ROBO2: variants seen among roughly 807,000 people sequenced by gnomAD.
ROBO2 encodes roundabout homolog 2.
A neutral mutation model predicts 160.8 loss-of-function variants in ROBO2; 53 were observed. The observed-to-expected ratio is 0.33, with a 90% CI of 0.26 to 0.41. The LOEUF is 0.41. Among genes scored for constraint, ROBO2 ranks in the 10% least tolerant of loss-of-function variants. ROBO2 has a pLI of 1.00. For missense variants in ROBO2, 1,577 were observed against 1,722.4 expected, an observed-to-expected ratio of 0.92 and a Z score of 1.49; for synonymous variants, 664 against 611.7, an observed-to-expected ratio of 1.09 and a Z score of -1.26.
At chr3:77,511,526 T>G (rs2089396476) in intron 5 of ROBO2, among the ~76,000 whole-genome samples, 1 of 151,990 alleles carries the variant, frequency 6.6e-6, no homozygotes, top group East Asian at 1.9e-4. Context: ...GGTGAACATC[T>G]TTTTTGTTTG....
At chr3:77,254,643 T>C (rs1284369321) in intron 2 of ROBO2, among the ~76,000 whole-genome samples, 2 of 152,226 alleles carry the variant, frequency 1.3e-5, no homozygotes, top group Non-Finnish European at 2.9e-5. Context: ...AAGTTGTGTT[T>C]ATTCTTAATA....
chr3:77,110,052 A>G (rs1264260119), intron 2 of ROBO2, among the ~76,000 whole-genome samples: 3 of 152,200 alleles, frequency 2.0e-5, no homozygotes, highest in Admixed American at 6.5e-5. Flanking sequence ...ATTTAGTTAC[A>G]TATTGACATT....
chr3:76,439,315 G>A (rs952811170), intron 2 of ROBO2, among the ~76,000 whole-genome samples: 1 of 128,534 alleles, frequency 7.8e-6, no homozygotes, highest in Non-Finnish European at 1.7e-5. Flanking sequence ...GAAGAGGTAC[G>A]AAGAGCTGAA....
intron 2 of ROBO2, among the ~76,000 whole-genome samples, chr3:76,815,793 T>C (rs1001611022): frequency 6.6e-6 from 1 of 152,052 alleles, no homozygotes; most frequent in Admixed American, 6.6e-5. Flanking sequence ...ATGATCTGTT[T>C]AGGCTTCAGT....
chr3:77,085,191 C>T (rs1284113745), intron 1 of ROBO2, among the ~76,000 whole-genome samples: 2 of 152,118 alleles, frequency 1.3e-5, no homozygotes, highest in Non-Finnish European at 2.9e-5. Context: ...ACAGTTGTCA[C>T]ATCAAAACTG....
At chr3:76,955,036 C>T (rs2079162634) in intron 2 of ROBO2, among the ~76,000 whole-genome samples, 1 of 152,168 alleles carries the variant, frequency 6.6e-6, no homozygotes, top group South Asian at 2.1e-4. Context: ...TCCTCCACCA[C>T]CTGAACCCTC....
chr3:77,325,733 A>T (rs2065308510), intron 2 of ROBO2, among the ~76,000 whole-genome samples: 1 of 152,222 alleles, frequency 6.6e-6, no homozygotes, highest in African/African-American at 2.4e-5. Flanking sequence ...GTTCACATAA[A>T]TATGAACTGT....
At chr3:76,582,462 T>A (rs1324636274) in intron 2 of ROBO2, among the ~76,000 whole-genome samples, 1 of 152,130 alleles carries the variant, frequency 6.6e-6, no homozygotes, top group Non-Finnish European at 1.5e-5. Flanking sequence ...ATTGAAACAC[T>A]CAGCCATAAC....
chr3:77,554,345 A>T (rs1010279400), intron 8 of ROBO2, among the ~76,000 whole-genome samples: 11 of 151,978 alleles, frequency 7.2e-5, no homozygotes, highest in Non-Finnish European at 1.5e-4. Flanking sequence ...CAAAGAGATT[A>T]ATGTTTTTAT....
intron 2 of ROBO2, among the ~76,000 whole-genome samples, chr3:75,969,683 C>T (rs2064934766): frequency 6.6e-6 from 1 of 151,352 alleles, no homozygotes; most frequent in African/African-American, 2.4e-5. Flanking sequence ...TACTTGTTGC[C>T]CTTCGTATGT....
intron 2 of ROBO2, among the ~76,000 whole-genome samples, chr3:77,126,620 C>T (rs933637479): frequency 6.6e-6 from 1 of 151,776 alleles, no homozygotes; most frequent in Non-Finnish European, 1.5e-5. Flanking sequence ...TAAAGTCAGG[C>T]TTTCAGCATT....
At chr3:77,020,319 A>G (rs146233728) in intron 2 of ROBO2, among the ~76,000 whole-genome samples, 226 of 152,356 alleles carry the variant, frequency 1.5e-3, no homozygotes, top group African/African-American at 5.2e-3. Context: ...TTTTATATAT[A>G]AAAGCATTGG....
chr3:76,149,873 CATCT>C (rs2072091549), intron 2 of ROBO2, among the ~76,000 whole-genome samples: 1 of 151,448 alleles, frequency 6.6e-6, no homozygotes, highest in Non-Finnish European at 1.5e-5. Flanking sequence ...CTAAAGCACA[CATCT>C]GTCTAAAGCA....
At chr3:76,520,389 T>C (rs2081545945) in intron 2 of ROBO2, among the ~76,000 whole-genome samples, 1 of 152,110 alleles carries the variant, frequency 6.6e-6, no homozygotes, top group Non-Finnish European at 1.5e-5. Context: ...AGGTGGAGGA[T>C]GCAGTGAGCC....
chr3:76,184,745 A>C (rs978349834), intron 2 of ROBO2, among the ~76,000 whole-genome samples: 1 of 152,110 alleles, frequency 6.6e-6, no homozygotes, highest in African/African-American at 2.4e-5. Flanking sequence ...TGTAATTCTC[A>C]GCCCAAGGAC....
chr3:76,917,492 C>T (rs567969505), intron 2 of ROBO2, among the ~76,000 whole-genome samples: 17 of 152,312 alleles, frequency 1.1e-4, no homozygotes, highest in African/African-American at 3.4e-4. Context: ...GGAATCAGCG[C>T]TATGCAAATG....
intron 1 of ROBO2, 126 bp downstream of exon 1, chr3:77,040,972 C>T (rs778498267): frequency 1.3e-5 from 16 of 1,257,344 alleles, no homozygotes; most frequent in Middle Eastern, 1.9e-4. Flanking sequence ...CGTTTTGGCC[C>T]GGCACGGGCT....
At chr3:76,613,554 T>G (rs548909765) in intron 2 of ROBO2, among the ~76,000 whole-genome samples, 18 of 152,102 alleles carry the variant, frequency 1.2e-4, no homozygotes, top group African/African-American at 4.1e-4. Flanking sequence ...TAAATACCTG[T>G]TTTTGTAGCC....
At chr3:77,230,314 G>A (rs569668112) in intron 2 of ROBO2, among the ~76,000 whole-genome samples, 1 of 152,162 alleles carries the variant, frequency 6.6e-6, no homozygotes, top group East Asian at 1.9e-4. Flanking sequence ...TAACTCCAGA[G>A]CTCAAGGGAT....
Sources: allele counts gnomAD v4.1 joint callset (sites outside exome capture counted in the v4.1 genomes callset), GRCh38; gene constraint gnomAD v4.1.1; transcripts MANE v1.5; gene names NCBI Gene and HGNC (gene_info 2026-07-23, HGNC 2026-07-21).